Variants in ZFYVE27 observed in about 807,000 individuals in gnomAD.
The protein encoded by ZFYVE27 is zinc finger FYVE-type containing 27, also known as protrudin.
Under a neutral mutation model 52.8 loss-of-function variants are expected in ZFYVE27, and 36 were observed. That is an observed-to-expected ratio of 0.68 (90% CI 0.52 to 0.90). The LOEUF (loss-of-function observed/expected upper bound fraction) is 0.90. Among genes scored for constraint, ZFYVE27 ranks in the 40% least tolerant of loss-of-function variants. The pLI, the probability that ZFYVE27 is intolerant of heterozygous loss-of-function variation, is 0.00. For synonymous variants in ZFYVE27, 223 were observed against 215.6 expected (o/e 1.03, Z -0.30); for missense variants, 450 against 527.2 (o/e 0.85, Z 1.43).
Position 97,759,926 on chromosome 10 carries a change from G to C in ZFYVE27, c.*626G>C, listed in dbSNP as rs938446724. Reference sequence around the variant, plus strand: ...CCCTGAGAGGAGAATGTGTATAGGAGGGTTTGGCTGAGTCCTTCAGCGTTA... The same window carrying C: ...CCCTGAGAGGAGAATGTGTATAGGACGGTTTGGCTGAGTCCTTCAGCGTTA... On this transcript the variant is annotated 3_prime_UTR_variant, in exon 13 of 13. Transcript: ENST00000684270. 1 of 160,776 alleles carries C rather than the reference G, an allele frequency of 6.2e-6. No individual in the cohort carries two copies. Among genetic ancestry groups the C allele is most frequent in the Non-Finnish European group, 1.4e-5 (1 of 72,128 alleles). 10.0% of individuals were successfully genotyped at this position (160,776 alleles called of 1,614,324 possible).
intron 4 of ZFYVE27, among the ~76,000 whole-genome samples, chr10:97,746,052 T>TATA (rs1491093926): frequency 1.3e-4 from 4 of 31,630 alleles, no homozygotes; most frequent in South Asian, 1.3e-3. Flanking sequence ...TATATATATA[T>TATA]TTTTTTTTTT....
At chr10:97,759,032 G>A (rs555116784) in intron 12 of ZFYVE27, among the ~76,000 whole-genome samples, 5 of 152,292 alleles carry the variant, frequency 3.3e-5, no homozygotes, top group African/African-American at 1.2e-4. Context: ...GCACAGGAGT[G>A]GCCTGCTGTT....
Position 97,759,750 on chromosome 10 carries a change from C to CGCA in ZFYVE27, c.*450_*451insGCA, listed in dbSNP as rs1200134098. ...GGGCCAGGCCCTCAGCCTCAGAGAG[C>CGCA]CTGCAGAAGGGCTTGGGAGTGCCAC... On this transcript the variant is annotated 3_prime_UTR_variant, in exon 13 of 13. Transcript: ENST00000684270. The CGCA allele has an allele frequency of 4.5e-6, 1 of 223,600 alleles. No homozygotes were observed. Among genetic ancestry groups the CGCA allele is most frequent in the Non-Finnish European group, 9.2e-6 (1 of 108,218 alleles). The allele number at this position is 223,600 out of a possible 1,614,324, so 13.9% of individuals were successfully genotyped here. A position where few individuals can be genotyped will look rare whatever the true frequency, so the allele number is the denominator to read the frequency against.
chr10:97,753,032 C>T lies in ZFYVE27; in HGVS notation c.898-6C>T. Reference sequence around the variant, plus strand: ...TGGGCAGGACTGGAAGGAGCTGTTCCCACAGGAGGATGATGAGGGCGCCCC... The same window carrying T: ...TGGGCAGGACTGGAAGGAGCTGTTCTCACAGGAGGATGATGAGGGCGCCCC... On this transcript the variant is annotated splice_polypyrimidine_tract_variant and splice_region_variant and intron_variant, in intron 9 of 12. Coordinates refer to ENST00000684270, the MANE Select transcript of ZFYVE27 (RefSeq NM_001385875.1). 1 of 1,612,780 alleles carries T rather than the reference C, an allele frequency of 6.2e-7. No individual in the cohort carries two copies.
At chr10:97,748,717 A>G (rs1222246834) in intron 5 of ZFYVE27, among the ~76,000 whole-genome samples, 2 of 152,116 alleles carry the variant, frequency 1.3e-5, no homozygotes, top group Non-Finnish European at 2.9e-5. Flanking sequence ...TTTTCCACTT[A>G]TCATTATATT....
In ZFYVE27 at chr10:97,744,820, C is replaced by T. The variant is rs376432154; in HGVS notation, c.360C>T (p.Ser120=). Residue 120 remains serine (S), a synonymous_variant, in exon 4 of 13, where the codon TCC becomes TCT. Coordinates refer to ENST00000684270, the MANE Select transcript of ZFYVE27 (RefSeq NM_001385875.1). ...TTTGCCGGGCACGGCTGCCTGATTC[C>T]GAGCTGATGCGGAGGAAGTATCATA... The part of the protein sequence containing the change: ...QEVCRARLPD[S]ELMRRKYHSV... 57 of 1,613,844 alleles carry T rather than the reference C, an allele frequency of 3.5e-5. No individual in the cohort carries two copies. Among genetic ancestry groups the T allele is most frequent in the Middle Eastern group, 3.3e-4 (2 of 6,010 alleles).
At chr10:97,754,577 A>G (rs1407775877) in intron 10 of ZFYVE27, 4 of 1,193,924 alleles carry the variant, frequency 3.4e-6, no homozygotes, top group African/African-American at 1.6e-5. Context: ...GGTCTTCCAA[A>G]GTGTTAGGAT....
chr10:97,750,507 G>A (rs780970414), intron 7 of ZFYVE27, 37 bp downstream of exon 7: 2 of 1,612,164 alleles, frequency 1.2e-6, no homozygotes, highest in Admixed American at 1.7e-5. Context: ...TGCTGTGGCC[G>A]CTTGTGGGCC....
chr10:97,743,034 T>C lies in ZFYVE27; in HGVS notation c.198-60T>C, dbSNP rs182455202. 8.2e-6 allele frequency: 13 copies of C among 1,585,092 alleles called. No homozygotes were observed. In the East Asian group the frequency reaches 2.0e-4, roughly 25 times the overall value. ...TTGATGTCCCGTCTGTGCTGCCTGG[T>C]CTCCCCTCCCCAGCTGGAGGAGTGA... On this transcript the variant is annotated intron_variant, in intron 2 of 12. Transcript: ENST00000684270.
At position 97,738,327 on chromosome 10, in the gene ZFYVE27, G is replaced by T. The variant is rs1564799867; in HGVS notation, c.-1-150G>T. On this transcript the variant is annotated intron_variant, in intron 1 of 12. Transcript: ENST00000684270. Reference sequence around the variant, plus strand: ...TGGATCTTTGGGGAAAAGAGCATTGGATGGAGAGTACAAAGAACAGGATTT... The same window carrying T: ...TGGATCTTTGGGGAAAAGAGCATTGTATGGAGAGTACAAAGAACAGGATTT... 1.2e-5 allele frequency: 10 copies of T among 817,982 alleles called. No individual in the cohort carries two copies. In the Admixed American group the frequency reaches 2.0e-4, roughly 16 times the overall value. 50.7% of individuals were successfully genotyped at this position (817,982 alleles called of 1,614,324 possible).
At chr10:97,745,648 C>T (rs968624425) in intron 4 of ZFYVE27, among the ~76,000 whole-genome samples, 4 of 152,180 alleles carry the variant, frequency 2.6e-5, no homozygotes, top group Non-Finnish European at 4.4e-5. Context: ...GGAATGATAA[C>T]AGGGCTTACT....
intron 7 of ZFYVE27, among the ~76,000 whole-genome samples, chr10:97,751,070 C>G (rs562477099): frequency 1.3e-5 from 2 of 152,272 alleles, no homozygotes; most frequent in African/African-American, 4.8e-5. Context: ...AGATCATTCT[C>G]ATTTGTGGAA....
chr10:97,756,726 C>T (rs1229837201), intron 10 of ZFYVE27, among the ~76,000 whole-genome samples: 3 of 152,190 alleles, frequency 2.0e-5, no homozygotes, highest in African/African-American at 4.8e-5. Context: ...TTCTACCCTT[C>T]GTGTCTTTAC....
At chr10:97,738,800 G>A in intron 2 of ZFYVE27, 126 bp downstream of exon 2, 1 of 1,140,560 alleles carries the variant, frequency 8.8e-7, no homozygotes, top group Non-Finnish European at 1.3e-6. Flanking sequence ...GCAGTTCTGG[G>A]AGGTCTGTTC....
At chr10:97,748,204 A>G in intron 4 of ZFYVE27, 65 bp from the exon 5 acceptor site, 1 of 1,490,758 alleles carries the variant, frequency 6.7e-7, no homozygotes, top group Non-Finnish European at 9.3e-7. Context: ...TGTACCTGCA[A>G]GGCCCCAGGC....
chr10:97,756,103 G>C (rs1350276331), intron 10 of ZFYVE27, among the ~76,000 whole-genome samples: 1 of 152,188 alleles, frequency 6.6e-6, no homozygotes, highest in African/African-American at 2.4e-5. Flanking sequence ...GTCAGTGTCA[G>C]TCTTTGAGTA....
chr10:97,742,889 T>G (rs2044123323), intron 2 of ZFYVE27, among the ~76,000 whole-genome samples: 1 of 152,194 alleles, frequency 6.6e-6, no homozygotes, highest in East Asian at 1.9e-4. Context: ...GACCTACCAG[T>G]TTCCTCACCC....
chr10:97,753,273 C>A (rs903450948), intron 10 of ZFYVE27, 91 bp downstream of exon 10: 2 of 1,513,180 alleles, frequency 1.3e-6, no homozygotes, highest in Non-Finnish European at 8.9e-7. Flanking sequence ...GGGGCAGAGT[C>A]TCAGAACTGT....
In ZFYVE27 at chr10:97,744,885, G is replaced by A. The variant is rs1206757898; in HGVS notation, c.425G>A (p.Arg142His). Residue 142 changes from arginine to histidine, a missense_variant, in exon 4 of 13, where the codon CGT becomes CAT. Physicochemically the swap from Arg to His is conservative, Grantham distance 29. Coordinates refer to ENST00000684270, the MANE Select transcript of ZFYVE27 (RefSeq NM_001385875.1). ...QEDLQRGRLS[R>H]PEAVAEVKSF... ...GACCTGCAGAGAGGTCGCCTGTCTC[G>A]TCCCGAGGCCGTGGCTGAGGTGAAG... The A allele has an allele frequency of 1.0e-5, 16 of 1,601,574 alleles. No individual in the cohort carries two copies. The East Asian group carries it at 1.3e-4, about 13-fold the overall frequency.
Sources: gnomAD v4.1 joint callset for allele counts (sites outside exome capture counted in the v4.1 genomes callset) on GRCh38, gnomAD v4.1.1 for gene constraint, MANE v1.5 for transcripts, NCBI Gene and HGNC (gene_info 2026-07-23, HGNC 2026-07-21) for gene names.